TPTE: variants seen among roughly 807,000 people sequenced by gnomAD.
TPTE encodes putative tyrosine-protein phosphatase TPTE.
Under a neutral mutation model 84.1 loss-of-function variants are expected in TPTE, and 59 were observed. The ratio of observed to expected loss-of-function variants is 0.70; its 90% CI spans 0.57 to 0.87. The LOEUF is 0.87. TPTE is among the 40% of genes least tolerant of loss of function. The probability of loss-of-function intolerance (pLI) is 0.00; values close to 1 mark genes in which losing one functional copy is unlikely to be tolerated. For synonymous variants in TPTE, 130 were observed against 223.5 expected (o/e 0.58, Z 3.73); for missense variants, 382 against 659.6 (o/e 0.58, Z 4.61).
chr21:10,567,540 A>T lies in TPTE; in HGVS notation c.447-130A>T. The T allele has an allele frequency of 2.0e-6, 3 of 1,499,766 alleles. No individual in the cohort carries two copies. In the South Asian group the frequency reaches 4.0e-5, roughly 20 times the overall value. The allele number at this position is 1,499,766 out of a possible 1,614,324, so 92.9% of individuals were successfully genotyped here. ...ATATTTTTCCCTTAGTCTACTCTAG[A>T]AAATACATTTTAAATAATTCATGAT... On this transcript the variant is annotated intron_variant, in intron 10 of 23. Transcript: ENST00000618007.
At chr21:10,540,165 G>A (rs1331594715) in intron 4 of TPTE, among the ~76,000 whole-genome samples, 3 of 152,312 alleles carry the variant, frequency 2.0e-5, no homozygotes, top group Admixed American at 6.5e-5. Flanking sequence ...TGAATTGAGA[G>A]TACCTTCTAG....
intron 19 of TPTE, among the ~76,000 whole-genome samples, chr21:10,594,494 T>G (rs908266396): frequency 3.3e-5 from 5 of 152,306 alleles, no homozygotes; most frequent in South Asian, 2.1e-4. Context: ...TTGTATTAAT[T>G]TCTACTACAA....
intron 14 of TPTE, among the ~76,000 whole-genome samples, chr21:10,576,830 CATATATACATATAT>C (rs1408542894): frequency 1.6e-5 from 2 of 126,820 alleles, no homozygotes; most frequent in Non-Finnish European, 3.4e-5. Flanking sequence ...AAAGGTTATA[CATATATACATATAT>C]ATATATATAT....
intron 17 of TPTE, among the ~76,000 whole-genome samples, chr21:10,580,286 T>A (rs2075248275): frequency 6.6e-6 from 1 of 152,310 alleles, no homozygotes; most frequent in Non-Finnish European, 1.5e-5. Flanking sequence ...TTTGTAGATA[T>A]TTCTCCCATT....
intron 17 of TPTE, among the ~76,000 whole-genome samples, chr21:10,580,485 C>T (rs1203788436): frequency 6.6e-6 from 1 of 152,310 alleles, no homozygotes; most frequent in African/African-American, 2.4e-5. Context: ...TTTCCAATTT[C>T]ATGTTTCACA....
In TPTE at chr21:10,538,848, G is replaced by T. The variant is rs572752751; in HGVS notation, c.11+114G>T. On this transcript the variant is annotated intron_variant, in intron 4 of 23. Transcript: ENST00000618007. ...CATCCATCCATCCATGCATCCATCCGTACACACTTCTCTCAAACACATCCA... is the reference window on the plus strand; with the variant it reads ...CATCCATCCATCCATGCATCCATCCTTACACACTTCTCTCAAACACATCCA... The T allele has an allele frequency of 4.3e-5, 69 of 1,605,424 alleles. No individual in the cohort carries two copies. In the African/African-American group the frequency reaches 8.7e-4, roughly 20 times the overall value.
chr21:10,594,410 C>T (rs1157183914), intron 19 of TPTE, among the ~76,000 whole-genome samples: 1 of 152,308 alleles, frequency 6.6e-6, no homozygotes, highest in Non-Finnish European at 1.5e-5. Flanking sequence ...AGGCAAAGCC[C>T]GTGGCTTACC....
At chr21:10,525,876 A>G (rs2074069311) in intron 2 of TPTE, among the ~76,000 whole-genome samples, 1 of 152,304 alleles carries the variant, frequency 6.6e-6, no homozygotes, top group Non-Finnish European at 1.5e-5. Flanking sequence ...CCCTTTTTGG[A>G]GATTAGTTTC....
intron 7 of TPTE, 29 bp from the exon 8 acceptor site, chr21:10,552,628 T>C (rs748482428): frequency 2.5e-5 from 40 of 1,613,552 alleles, no homozygotes; most frequent in Non-Finnish European, 3.4e-5. Flanking sequence ...TCTAATGATA[T>C]ATTTTTGCTT....
intron 1 of TPTE, among the ~76,000 whole-genome samples, chr21:10,523,950 C>A (rs1291860639): frequency 6.6e-6 from 1 of 152,312 alleles, no homozygotes. Context: ...CACATCCTCT[C>A]CAGCACCTGT....
intron 7 of TPTE, among the ~76,000 whole-genome samples, chr21:10,544,653 G>T (rs1222030004): frequency 6.6e-6 from 1 of 152,298 alleles, no homozygotes; most frequent in African/African-American, 2.4e-5. Flanking sequence ...CAAACTGCTG[G>T]GTTTACGGTC....
At chr21:10,540,565 C>G (rs10433039) in intron 4 of TPTE, among the ~76,000 whole-genome samples, 3 of 151,986 alleles carry the variant, frequency 2.0e-5, no homozygotes, top group Non-Finnish European at 4.4e-5. Flanking sequence ...AAATCCCAGC[C>G]AAAACAAAGA....
intron 14 of TPTE, among the ~76,000 whole-genome samples, chr21:10,571,435 G>A (rs1446323767): frequency 7.9e-5 from 12 of 152,362 alleles, no homozygotes; most frequent in African/African-American, 2.6e-4. Context: ...TCAGTTTAGG[G>A]CCATAAGAAA....
At chr21:10,526,354 G>A (rs1376120999) in intron 2 of TPTE, among the ~76,000 whole-genome samples, 1 of 152,308 alleles carries the variant, frequency 6.6e-6, no homozygotes, top group African/African-American at 2.4e-5. Context: ...TTAAAGGTTG[G>A]AGCTATTGAT....
intron 8 of TPTE, among the ~76,000 whole-genome samples, chr21:10,553,591 A>G (rs901172515): frequency 3.3e-5 from 5 of 152,310 alleles, no homozygotes; most frequent in African/African-American, 1.2e-4. Flanking sequence ...CCCACTCCAA[A>G]CAAAATAAAG....
At chr21:10,526,960 G>A (rs467697) in intron 2 of TPTE, among the ~76,000 whole-genome samples, 31,026 of 143,374 alleles carry the variant, frequency 0.22, 65 homozygotes, top group African/African-American at 0.47. Flanking sequence ...TCCAGACAAA[G>A]AGAAAACAAA....
At chr21:10,532,679 T>C (rs1056748122) in intron 3 of TPTE, among the ~76,000 whole-genome samples, 15 of 152,294 alleles carry the variant, frequency 9.8e-5, no homozygotes, top group African/African-American at 3.6e-4. Context: ...CTACAAACTT[T>C]GTCATGTTAT....
At chr21:10,570,192 TAAG>T (rs1284030612) in intron 13 of TPTE, among the ~76,000 whole-genome samples, 1 of 152,430 alleles carries the variant, frequency 6.6e-6, no homozygotes, top group Non-Finnish European at 1.5e-5. Context: ...GTATTTAAGA[TAAG>T]AAATAAATTC....
At chr21:10,587,116 A>G (rs1290497980) in intron 17 of TPTE, among the ~76,000 whole-genome samples, 1 of 152,312 alleles carries the variant, frequency 6.6e-6, no homozygotes, top group Non-Finnish European at 1.5e-5. Context: ...TGAATATGAT[A>G]AATTGCATTA....
Sources: gnomAD v4.1 joint callset for allele counts (sites outside exome capture counted in the v4.1 genomes callset) on GRCh38, gnomAD v4.1.1 for gene constraint, MANE v1.5 for transcripts, NCBI Gene and HGNC (gene_info 2026-07-23, HGNC 2026-07-21) for gene names.